KAZN: variants seen among roughly 807,000 people sequenced by gnomAD.
KAZN encodes the protein kazrin, periplakin interacting protein.
In KAZN, 40 loss-of-function variants were observed where a neutral mutation model predicts 87.4. The observed-to-expected ratio is 0.46, with a 90% CI of 0.36 to 0.60. KAZN has a LOEUF of 0.60. Ranked by LOEUF, KAZN falls within the 20% of genes least tolerant of loss-of-function variation. KAZN has a pLI of 0.00. For missense variants in KAZN, 898 were observed against 1,073.9 expected, an observed-to-expected ratio of 0.84 and a Z score of 2.29; for synonymous variants, 466 against 458.3, an observed-to-expected ratio of 1.02 and a Z score of -0.22.
At chr1:14,832,970 A>G (rs1444195674) in intron 1 of KAZN, among the ~76,000 whole-genome samples, 1 of 152,234 alleles carries the variant, frequency 6.6e-6, no homozygotes, top group Admixed American at 6.5e-5. Flanking sequence ...AAGGTGGACT[A>G]TATGGCTTGC....
At chr1:14,156,627 C>G (rs140297428) in intron 1 of KAZN, among the ~76,000 whole-genome samples, 1 of 152,138 alleles carries the variant, frequency 6.6e-6, no homozygotes, top group Non-Finnish European at 1.5e-5. Flanking sequence ...GTCTTGAAAT[C>G]TATTTTGTCT....
chr1:14,321,432 C>T lies in KAZN; in HGVS notation c.249+140840C>T, dbSNP rs79956802. On this transcript the variant is annotated intron_variant, in intron 2 of 16. Transcript: ENST00000636203. ...TAAAATATTGATAATTGTTGAATAGCTCTCACTTAAAGTATAACATTGAGG... is the reference window on the plus strand; with the variant it reads ...TAAAATATTGATAATTGTTGAATAGTTCTCACTTAAAGTATAACATTGAGG... Among the ~76,000 whole-genome samples the T allele has an allele frequency of 0.01, 1,558 of 152,250 alleles. 119 individuals carry two copies. The East Asian group carries it at 0.22, about 21-fold the overall frequency.
At chr1:13,972,654 C>T (rs1379071912) in intron 1 of KAZN, among the ~76,000 whole-genome samples, 1 of 152,216 alleles carries the variant, frequency 6.6e-6, no homozygotes, top group Non-Finnish European at 1.5e-5. Flanking sequence ...CAACCCATCT[C>T]TCAGCCTCGA....
intron 1 of KAZN, among the ~76,000 whole-genome samples, chr1:14,944,130 C>T (rs12076249): frequency 0.15 from 22,928 of 150,606 alleles, 2,269 homozygotes; most frequent in African/African-American, 0.26. Context: ...ATGTCAGGGT[C>T]GAGTTTTCTT....
At chr1:14,431,557 G>T (rs1666072368) in intron 2 of KAZN, among the ~76,000 whole-genome samples, 1 of 152,210 alleles carries the variant, frequency 6.6e-6, no homozygotes, top group Non-Finnish European at 1.5e-5. Flanking sequence ...ATTTGAGTCG[G>T]TGGACTGGGA....
At chr1:14,013,596 C>T (rs1640423715) in intron 1 of KAZN, among the ~76,000 whole-genome samples, 1 of 152,118 alleles carries the variant, frequency 6.6e-6, no homozygotes, top group Non-Finnish European at 1.5e-5. Context: ...CAGAGAAAGG[C>T]ACCAGAAAGG....
At chr1:15,110,509 G>GTGTGTA (rs1641552991) in intron 13 of KAZN, among the ~76,000 whole-genome samples, 2 of 81,322 alleles carry the variant, frequency 2.5e-5, no homozygotes, top group African/African-American at 1.2e-4. Context: ...GTGTGTATTT[G>GTGTGTA]TGTGTTTGTG....
intron 1 of KAZN, among the ~76,000 whole-genome samples, chr1:14,613,343 T>A (rs1677966601): frequency 6.6e-6 from 1 of 152,142 alleles, no homozygotes; most frequent in African/African-American, 2.4e-5. Context: ...AATGATCATT[T>A]CCCTGGTGAG....
intron 1 of KAZN, among the ~76,000 whole-genome samples, chr1:13,939,596 G>T (rs1007861027): frequency 6.6e-6 from 1 of 152,030 alleles, no homozygotes; most frequent in African/African-American, 2.4e-5. Context: ...ATCTCTGCCC[G>T]TTACCCAGTT....
At position 15,063,727 on chromosome 1, in the gene KAZN, T is replaced by C. The variant is rs111552988; in HGVS notation, c.1098+105T>C. ...CCACATCCATGCCGCACACCCAAGG[T>C]GGAGAGGATTTATGCCACTTCCGCT... On this transcript the variant is annotated intron_variant, in intron 7 of 14. Transcript: ENST00000376030. 5.6e-4 allele frequency: 513 copies of C among 923,286 alleles called. 2 individuals are homozygous for C. In the African/African-American group the frequency reaches 7.1e-3, roughly 13 times the overall value. 57.2% of individuals were successfully genotyped at this position (923,286 alleles called of 1,614,324 possible).
chr1:14,433,614 T>C (rs1666207986), intron 2 of KAZN, among the ~76,000 whole-genome samples: 1 of 152,158 alleles, frequency 6.6e-6, no homozygotes, highest in Non-Finnish European at 1.5e-5. Context: ...TCCCAGCACT[T>C]TGGGAGGCCA....
chr1:14,255,611 GTT>G (rs1267898970), intron 2 of KAZN, among the ~76,000 whole-genome samples: 1 of 152,066 alleles, frequency 6.6e-6, no homozygotes, highest in African/African-American at 2.4e-5. Context: ...CTATGTCATA[GTT>G]TTATACAACT....
At chr1:14,032,210 C>T (rs1360966497) in intron 1 of KAZN, among the ~76,000 whole-genome samples, 1 of 152,218 alleles carries the variant, frequency 6.6e-6, no homozygotes, top group Non-Finnish European at 1.5e-5. Context: ...ATAAGCAACA[C>T]TTGCTGTTTG....
intron 1 of KAZN, among the ~76,000 whole-genome samples, chr1:14,638,035 T>C (rs1471036966): frequency 2.0e-5 from 3 of 152,138 alleles, no homozygotes; most frequent in Non-Finnish European, 4.4e-5. Context: ...CTCTAGTCCC[T>C]GTCTCTGTCT....
intron 1 of KAZN, among the ~76,000 whole-genome samples, chr1:14,686,961 C>A (rs1640991143): frequency 6.6e-6 from 1 of 152,166 alleles, no homozygotes; most frequent in Admixed American, 6.5e-5. Flanking sequence ...TTTCATGGTG[C>A]TCCCTGCAGA....
intron 1 of KAZN, among the ~76,000 whole-genome samples, chr1:13,962,305 A>G (rs1485668820): frequency 6.6e-6 from 1 of 152,072 alleles, no homozygotes; most frequent in Non-Finnish European, 1.5e-5. Context: ...GGTGACTCTC[A>G]CAAGGGGCCT....
chr1:14,039,551 C>T (rs1043123209), intron 1 of KAZN, among the ~76,000 whole-genome samples: 8 of 152,168 alleles, frequency 5.3e-5, no homozygotes, highest in African/African-American at 9.7e-5. Context: ...CTGAAGGTCA[C>T]GGTAGAGCTT....
At chr1:14,391,689 A>G (rs188307134) in intron 2 of KAZN, 1 of 152,344 alleles carries the variant, frequency 6.6e-6, no homozygotes, top group Admixed American at 6.5e-5. Flanking sequence ...AAGTTTGTAT[A>G]GATAATCATT....
At chr1:14,736,859 T>C (rs1643925164) in intron 1 of KAZN, among the ~76,000 whole-genome samples, 1 of 152,156 alleles carries the variant, frequency 6.6e-6, no homozygotes, top group Non-Finnish European at 1.5e-5. Flanking sequence ...CATTCATTCA[T>C]TCATTCAACA....
Sources: allele counts gnomAD v4.1 joint callset (sites outside exome capture counted in the v4.1 genomes callset), GRCh38; gene constraint gnomAD v4.1.1; transcripts MANE v1.5; gene names NCBI Gene and HGNC (gene_info 2026-07-23, HGNC 2026-07-21).